Variants in ARHGAP42 observed in about 807,000 individuals in gnomAD.
The protein encoded by ARHGAP42 is rho GTPase-activating protein 42.
ARHGAP42 carries 63 observed loss-of-function variants against 125.0 expected under a neutral mutation model. The ratio of observed to expected loss-of-function variants is 0.50; its 90% CI spans 0.41 to 0.62. ARHGAP42 has a LOEUF of 0.62. Ranked by LOEUF, ARHGAP42 falls within the 20% of genes least tolerant of loss-of-function variation. The pLI, the probability that ARHGAP42 is intolerant of heterozygous loss-of-function variation, is 0.00. For synonymous variants in ARHGAP42, 339 were observed against 351.0 expected, an observed-to-expected ratio of 0.97 and a Z score of 0.38; for missense variants, 766 against 1,024.2, an observed-to-expected ratio of 0.75 and a Z score of 3.44.
intron 3 of ARHGAP42, among the ~76,000 whole-genome samples, chr11:100,854,453 A>G (rs1286803123): frequency 6.6e-6 from 1 of 152,214 alleles, no homozygotes; most frequent in Non-Finnish European, 1.5e-5. Flanking sequence ...AATTAATTGA[A>G]TGACTAGTAT....
Position 100,900,305 on chromosome 11 carries a change from G to A in ARHGAP42, c.385-13147G>A, listed in dbSNP as rs528477289. ...CTAATCTGATGGGCTTCCCTTAGTG[G>A]GTAACCTGACCTTTCTCTCTGGCTG... On this transcript the variant is annotated intron_variant, in intron 4 of 23. Transcript: ENST00000298815. Among the ~76,000 whole-genome samples, 6 of 152,238 alleles carry A rather than the reference G, an allele frequency of 3.9e-5. No homozygotes were observed. The South Asian group carries it at 1.2e-3, about 32-fold the overall frequency.
intron 7 of ARHGAP42, among the ~76,000 whole-genome samples, chr11:100,933,609 A>C (rs1867645512): frequency 6.6e-6 from 1 of 152,182 alleles, no homozygotes; most frequent in Non-Finnish European, 1.5e-5. Context: ...TGTTCTCAGC[A>C]TACACAGATG....
intron 1 of ARHGAP42, among the ~76,000 whole-genome samples, chr11:100,754,013 G>T (rs1478835171): frequency 6.6e-6 from 1 of 152,200 alleles, no homozygotes; most frequent in African/African-American, 2.4e-5. Flanking sequence ...TTTCCAAGTG[G>T]CAGAGGCTGC....
intron 1 of ARHGAP42, among the ~76,000 whole-genome samples, chr11:100,740,245 T>C (rs1268791985): frequency 6.6e-6 from 1 of 151,714 alleles, no homozygotes; most frequent in Non-Finnish European, 1.5e-5. Context: ...GACCTGGTCA[T>C]GCTATGGCCT....
At chr11:100,809,925 A>G (rs998740725) in intron 3 of ARHGAP42, among the ~76,000 whole-genome samples, 28 of 147,782 alleles carry the variant, frequency 1.9e-4, no homozygotes, top group African/African-American at 5.9e-4. Context: ...TGGGTGACAG[A>G]GCAAGACTCT....
At chr11:100,743,741 C>G (rs549284232) in intron 1 of ARHGAP42, among the ~76,000 whole-genome samples, 5 of 152,098 alleles carry the variant, frequency 3.3e-5, no homozygotes, top group Non-Finnish European at 5.9e-5. Flanking sequence ...TCTCATATTT[C>G]TTGAATGCTT....
chr11:100,986,024 G>T (rs1175459515), intron 22 of ARHGAP42: 1 of 456,628 alleles, frequency 2.2e-6, no homozygotes, highest in Non-Finnish European at 4.4e-6. Context: ...GACTCATCAT[G>T]TAGAAAATGA....
At chr11:100,906,160 G>A (rs568089319) in intron 4 of ARHGAP42, among the ~76,000 whole-genome samples, 4 of 152,254 alleles carry the variant, frequency 2.6e-5, no homozygotes, top group African/African-American at 9.6e-5. Context: ...TGTTTTTTCA[G>A]ATCTTTTGCC....
intron 4 of ARHGAP42, among the ~76,000 whole-genome samples, chr11:100,869,405 CTT>C (rs59868766): frequency 3.5e-4 from 51 of 146,958 alleles, no homozygotes; most frequent in East Asian, 3.0e-3. Flanking sequence ...AATCTTTCCT[CTT>C]TTTTTTTTTT....
chr11:100,930,558 A>T (rs1014807537), intron 6 of ARHGAP42, among the ~76,000 whole-genome samples: 2 of 152,188 alleles, frequency 1.3e-5, no homozygotes, highest in Non-Finnish European at 2.9e-5. Flanking sequence ...TTTGTCTGCT[A>T]CTAAGTGAAT....
chr11:100,720,302 A>G (rs1031572010), intron 1 of ARHGAP42, among the ~76,000 whole-genome samples: 1 of 152,202 alleles, frequency 6.6e-6, no homozygotes, highest in Non-Finnish European at 1.5e-5. Context: ...ACCTAAAGCA[A>G]AAAGTTTAAG....
chr11:100,924,438 G>A lies in ARHGAP42; in HGVS notation c.597+2834G>A, dbSNP rs1301659657. 3.3e-5 allele frequency among the ~76,000 whole-genome samples: 5 copies of A among 152,006 alleles called. No individual in the cohort carries two copies. In the East Asian group the frequency reaches 5.8e-4, roughly 18 times the overall value. ...TCCCAGCACTTTGGGAGGCCGAGGC[G>A]GGTGGATCGCTTGAGGTCAGGAGTT... On this transcript the variant is annotated intron_variant, in intron 6 of 23. Transcript: ENST00000298815.
intron 17 of ARHGAP42, among the ~76,000 whole-genome samples, chr11:100,971,130 G>A (rs1032264585): frequency 2.6e-5 from 4 of 151,980 alleles, no homozygotes; most frequent in Non-Finnish European, 5.9e-5. Context: ...CAGACTCTCG[G>A]CTTTTCTTAC....
intron 8 of ARHGAP42, among the ~76,000 whole-genome samples, chr11:100,939,150 G>A (rs1422869158): frequency 6.6e-6 from 1 of 152,134 alleles, no homozygotes; most frequent in Non-Finnish European, 1.5e-5. Context: ...CTAGACTTCA[G>A]TGTAACCGGA....
chr11:100,951,850 A>T (rs901618170), intron 12 of ARHGAP42, among the ~76,000 whole-genome samples: 3 of 152,122 alleles, frequency 2.0e-5, no homozygotes, highest in Admixed American at 1.3e-4. Flanking sequence ...GGCTTTTTGT[A>T]TGGTATATTA....
At chr11:100,923,608 C>T (rs1867339246) in intron 6 of ARHGAP42, among the ~76,000 whole-genome samples, 2 of 152,062 alleles carry the variant, frequency 1.3e-5, no homozygotes, top group African/African-American at 4.8e-5. Flanking sequence ...TTTATGAATT[C>T]CTGTAAAAAT....
intron 2 of ARHGAP42, among the ~76,000 whole-genome samples, chr11:100,784,806 T>C (rs976070401): frequency 6.6e-6 from 1 of 152,174 alleles, no homozygotes; most frequent in East Asian, 1.9e-4. Flanking sequence ...GGATTCAAAA[T>C]TTAGTGCTAC....
At chr11:100,701,912 A>G (rs1861403758) in intron 1 of ARHGAP42, among the ~76,000 whole-genome samples, 1 of 151,878 alleles carries the variant, frequency 6.6e-6, no homozygotes, top group Non-Finnish European at 1.5e-5. Context: ...TCATAATTTG[A>G]CTGACAACAG....
chr11:100,921,009 G>A (rs959461757), intron 5 of ARHGAP42, among the ~76,000 whole-genome samples: 1 of 151,448 alleles, frequency 6.6e-6, no homozygotes, highest in Admixed American at 6.6e-5. Context: ...TCATACTGCA[G>A]TCAAATCTGT....
Sources: allele counts gnomAD v4.1 joint callset (sites outside exome capture counted in the v4.1 genomes callset), GRCh38; gene constraint gnomAD v4.1.1; transcripts MANE v1.5; gene names NCBI Gene and HGNC (gene_info 2026-07-23, HGNC 2026-07-21).